The following RBFOX1 variants were observed in gnomAD, a reference collection of about 807,000 sequenced individuals.
RBFOX1 encodes RNA binding protein fox-1 homolog 1.
In RBFOX1, 8 loss-of-function variants were observed where a neutral mutation model predicts 57.7. That is an observed-to-expected ratio of 0.14 (90% CI 0.08 to 0.25). RBFOX1 has a LOEUF of 0.25. Among genes scored for constraint, RBFOX1 ranks in the 10% least tolerant of loss-of-function variants. The pLI is 1.00. For synonymous variants in RBFOX1, 326 were observed against 222.4 expected (o/e 1.47, Z -4.15); for missense variants, 611 against 548.5 (o/e 1.11, Z -1.14).
At chr16:7,312,820 G>T (rs966630529) in intron 4 of RBFOX1, among the ~76,000 whole-genome samples, 13 of 152,112 alleles carry the variant, frequency 8.5e-5, no homozygotes, top group Non-Finnish European at 1.5e-5. Context: ...TTGGGCACAC[G>T]TTGAAGTTTA....
intron 4 of RBFOX1, among the ~76,000 whole-genome samples, chr16:7,509,357 T>A (rs1447855428): frequency 1.3e-5 from 2 of 152,026 alleles, no homozygotes; most frequent in Non-Finnish European, 2.9e-5. Flanking sequence ...AATGAATGAA[T>A]TCGTTTACAT....
chr16:6,395,032 G>A (rs533162963), intron 2 of RBFOX1, among the ~76,000 whole-genome samples: 2 of 152,258 alleles, frequency 1.3e-5, no homozygotes, highest in South Asian at 2.1e-4. Flanking sequence ...CTGGCCAATG[G>A]CCATTTGTTT....
At chr16:7,196,347 C>G (rs1008713808) in intron 4 of RBFOX1, among the ~76,000 whole-genome samples, 2 of 152,138 alleles carry the variant, frequency 1.3e-5, no homozygotes, top group African/African-American at 4.8e-5. Context: ...TCAACTTTTC[C>G]TACCCACCCT....
chr16:7,451,176 G>A (rs2098849742), intron 4 of RBFOX1, among the ~76,000 whole-genome samples: 1 of 152,164 alleles, frequency 6.6e-6, no homozygotes, highest in African/African-American at 2.4e-5. Flanking sequence ...TGTGCAGTCT[G>A]GGTGAGGGAC....
At chr16:7,293,411 C>G (rs540011901) in intron 4 of RBFOX1, among the ~76,000 whole-genome samples, 1 of 152,222 alleles carries the variant, frequency 6.6e-6, no homozygotes, top group Admixed American at 6.5e-5. Flanking sequence ...ATGACTCTAC[C>G]GATCCTTGTC....
Position 6,560,841 on chromosome 16 carries a change from T to C in RBFOX1, c.-63-93762T>C, listed in dbSNP as rs534953061. Reference sequence around the variant, plus strand: ...CTTGCTCTTCATGGAATCTCCAAGATCAAGCCTAGTGCTTGGCATGTTGCT... The same window carrying C: ...CTTGCTCTTCATGGAATCTCCAAGACCAAGCCTAGTGCTTGGCATGTTGCT... On this transcript the variant is annotated intron_variant, in intron 2 of 15. Coordinates refer to ENST00000550418, the MANE Select transcript of RBFOX1 (RefSeq NM_018723.4). Among the ~76,000 whole-genome samples, 12 of 152,288 alleles carry C rather than the reference T, an allele frequency of 7.9e-5. No individual in the cohort carries two copies. In the South Asian group the frequency reaches 2.3e-3, roughly 29 times the overall value.
intron 3 of RBFOX1, among the ~76,000 whole-genome samples, chr16:6,671,828 A>C (rs1199977572): frequency 6.6e-6 from 1 of 152,210 alleles, no homozygotes; most frequent in African/African-American, 2.4e-5. Context: ...TATTCCATCG[A>C]ATCAGCGTAT....
intron 3 of RBFOX1, among the ~76,000 whole-genome samples, chr16:7,040,572 C>A (rs2045836302): frequency 1.3e-5 from 2 of 152,136 alleles, no homozygotes; most frequent in Non-Finnish European, 2.9e-5. Context: ...TTCTTCTCCA[C>A]TATTGGTCTG....
rs533312072 is a variant in RBFOX1 at position 5,999,841 on chromosome 16, C to G, written c.351+132506C>G. Among the ~76,000 whole-genome samples, 94 of 120,174 alleles carry G rather than the reference C, an allele frequency of 7.8e-4. 5 individuals are homozygous for G. In the South Asian group the frequency reaches 0.028, roughly 35 times the overall value. 78.8% of individuals were successfully genotyped at this position (120,174 alleles called of 152,430 possible). A position where few individuals can be genotyped will look rare whatever the true frequency, so the allele number is the denominator to read the frequency against. On this transcript the variant is annotated intron_variant, in intron 4 of 19. Coordinates refer to the RBFOX1 transcript ENST00000641259. ...GCAGATCGCACCACTGCGCTCCAGC[C>G]TGGGCGACAGAGCGAGACTCCACCT...
At chr16:7,691,820 C>T (rs1308454268) in intron 14 of RBFOX1, among the ~76,000 whole-genome samples, 2 of 152,114 alleles carry the variant, frequency 1.3e-5, no homozygotes, top group African/African-American at 4.8e-5. Context: ...CACCCTCCTG[C>T]CATAGATATG....
intron 1 of RBFOX1, among the ~76,000 whole-genome samples, chr16:6,057,825 GTTTT>G (rs34335596): frequency 1.7e-3 from 138 of 81,098 alleles, no homozygotes; most frequent in Non-Finnish European, 2.7e-3. Context: ...TTTGCTATGG[GTTTT>G]TTTTTTTTTT....
chr16:7,564,785 G>A (rs772991718), intron 5 of RBFOX1, among the ~76,000 whole-genome samples: 5 of 141,294 alleles, frequency 3.5e-5, no homozygotes, highest in Non-Finnish European at 6.2e-5. Flanking sequence ...CTGGCCCCTT[G>A]TACATTCATC....
intron 3 of RBFOX1, among the ~76,000 whole-genome samples, chr16:5,760,481 A>C (rs2053556079): frequency 6.6e-6 from 1 of 152,174 alleles, no homozygotes; most frequent in African/African-American, 2.4e-5. Context: ...CATTCCTCAC[A>C]ATAATAATGT....
intron 4 of RBFOX1, among the ~76,000 whole-genome samples, chr16:7,482,698 C>T (rs571839024): frequency 4.1e-4 from 62 of 151,996 alleles, no homozygotes; most frequent in African/African-American, 1.5e-3. Context: ...CCTGCTTGCA[C>T]TTCGAATCCA....
chr16:6,313,645 T>A (rs2152768594), intron 1 of RBFOX1, among the ~76,000 whole-genome samples: 1 of 152,304 alleles, frequency 6.6e-6, no homozygotes, highest in Non-Finnish European at 1.5e-5. Context: ...TTCACCTTCA[T>A]TCTGCCTGAC....
At chr16:5,318,438 A>T (rs752066772) in intron 1 of RBFOX1, among the ~76,000 whole-genome samples, 2 of 152,028 alleles carry the variant, frequency 1.3e-5, no homozygotes, top group Non-Finnish European at 2.9e-5. Context: ...ACATCTACTG[A>T]TATCTAATCC....
chr16:5,464,492 G>T (rs1282759612), intron 1 of RBFOX1, among the ~76,000 whole-genome samples: 2 of 152,240 alleles, frequency 1.3e-5, no homozygotes, highest in African/African-American at 4.8e-5. Flanking sequence ...CTCTCTGGGT[G>T]GGCAGGGAAC....
chr16:6,266,861 T>G (rs981625461), intron 1 of RBFOX1, among the ~76,000 whole-genome samples: 1 of 152,246 alleles, frequency 6.6e-6, no homozygotes, highest in Non-Finnish European at 1.5e-5. Context: ...GTCTGTCTTC[T>G]GTATGACATT....
chr16:6,252,734 C>G (rs1188861028), intron 1 of RBFOX1, among the ~76,000 whole-genome samples: 3 of 152,190 alleles, frequency 2.0e-5, no homozygotes, highest in Non-Finnish European at 4.4e-5. Context: ...AAGATAAGTA[C>G]ATAATTAGCA....
Sources: gnomAD v4.1 joint callset for allele counts (sites outside exome capture counted in the v4.1 genomes callset) on GRCh38, gnomAD v4.1.1 for gene constraint, MANE v1.5 for transcripts, NCBI Gene and HGNC (gene_info 2026-07-23, HGNC 2026-07-21) for gene names.